The following AGBL1 variants were observed in gnomAD, a reference collection of about 807,000 sequenced individuals.
AGBL1 encodes cytosolic carboxypeptidase 4.
Under a neutral mutation model 118.9 loss-of-function variants are expected in AGBL1, and 130 were observed. That is an observed-to-expected ratio of 1.09 (90% CI 0.95 to 1.26). AGBL1 has a LOEUF of 1.26. Ranked by LOEUF, AGBL1 falls within the 50% of genes most tolerant of loss-of-function variation. The probability of loss-of-function intolerance (pLI) is 0.00; values close to 1 mark genes in which losing one functional copy is unlikely to be tolerated. For synonymous variants in AGBL1, 555 were observed against 478.9 expected (o/e 1.16, Z -2.08); for missense variants, 1,584 against 1,298.1 (o/e 1.22, Z -3.38).
At chr15:86,437,013 T>A (rs1397073373) in intron 18 of AGBL1, among the ~76,000 whole-genome samples, 1 of 152,134 alleles carries the variant, frequency 6.6e-6, no homozygotes, top group Non-Finnish European at 1.5e-5. Flanking sequence ...TTTTTTTTTT[T>A]TGCATCAAAT....
intron 18 of AGBL1, among the ~76,000 whole-genome samples, chr15:86,406,063 A>G (rs968914909): frequency 6.6e-6 from 1 of 152,184 alleles, no homozygotes; most frequent in East Asian, 1.9e-4. Flanking sequence ...TAAAGGAACC[A>G]TTTGGTTCTT....
In AGBL1 at chr15:86,433,272, T is replaced by C. The variant is rs1450143355; in HGVS notation, c.2555+35726T>C. On this transcript the variant is annotated intron_variant, in intron 18 of 22. Coordinates refer to ENST00000614907, the MANE Select transcript of AGBL1 (RefSeq NM_001386094.1). ...CCTCCTCCTCCTCCTTCTTCTTTTT[T>C]TTTTTTTTTTTTTTTTTTTTTGCCA... Among the ~76,000 whole-genome samples the C allele has an allele frequency of 2.9e-3, 274 of 94,024 alleles. 4 individuals carry two copies. The highest frequency in any genetic ancestry group is 0.011 in the African/African-American group (253 of 22,668). 61.7% of individuals were successfully genotyped at this position (94,024 alleles called of 152,430 possible). A position where few individuals can be genotyped will look rare whatever the true frequency, so the allele number is the denominator to read the frequency against.
intron 23 of AGBL1, among the ~76,000 whole-genome samples, chr15:86,927,947 T>TATAC (rs1246573936): frequency 1.3e-5 from 2 of 151,776 alleles, no homozygotes; most frequent in Non-Finnish European, 2.9e-5. Flanking sequence ...TATATATATA[T>TATAC]AAAATGTGTG....
intron 17 of AGBL1, among the ~76,000 whole-genome samples, chr15:86,344,379 C>T (rs1255289041): frequency 3.3e-5 from 5 of 152,158 alleles, no homozygotes; most frequent in Non-Finnish European, 7.3e-5. Flanking sequence ...GTCTTATCCC[C>T]TCAAGTCTGA....
At chr15:86,298,874 G>A (rs766604797) in intron 17 of AGBL1, among the ~76,000 whole-genome samples, 8 of 152,202 alleles carry the variant, frequency 5.3e-5, no homozygotes, top group Non-Finnish European at 1.0e-4. Flanking sequence ...TTCCCCTGAT[G>A]ATCTGGTCTA....
At chr15:86,266,695 G>A (rs557344742) in intron 12 of AGBL1, among the ~76,000 whole-genome samples, 1 of 152,326 alleles carries the variant, frequency 6.6e-6, no homozygotes, top group South Asian at 2.1e-4. Flanking sequence ...GAGTTCAGGA[G>A]ATGGAGACCA....
intron 22 of AGBL1, among the ~76,000 whole-genome samples, chr15:86,897,121 A>G (rs1393676533): frequency 6.6e-6 from 1 of 152,234 alleles, no homozygotes; most frequent in African/African-American, 2.4e-5. Flanking sequence ...AGTAGAGAAC[A>G]TTAAAATCAG....
chr15:87,018,402 T>TAACA (rs1449455701), intron 24 of AGBL1, among the ~76,000 whole-genome samples: 4 of 152,058 alleles, frequency 2.6e-5, no homozygotes, highest in Non-Finnish European at 5.9e-5. Context: ...CCCATCAGAC[T>TAACA]AACAATGGAC....
At chr15:86,093,712 C>T (rs1218559637) in intron 1 of AGBL1, among the ~76,000 whole-genome samples, 2 of 152,202 alleles carry the variant, frequency 1.3e-5, no homozygotes, top group African/African-American at 2.4e-5. Flanking sequence ...TCATAAGAGA[C>T]TATACAGAAG....
At chr15:86,324,838 G>T (rs1262376076) in intron 17 of AGBL1, among the ~76,000 whole-genome samples, 1 of 152,166 alleles carries the variant, frequency 6.6e-6, no homozygotes, top group Non-Finnish European at 1.5e-5. Flanking sequence ...GTGAAGTGGG[G>T]CCGAGTTTGG....
rs2077893112 is a variant in AGBL1 at position 86,753,805 on chromosome 15, C to G, written c.3158+79369C>G. 4.6e-5 allele frequency among the ~76,000 whole-genome samples: 7 copies of G among 152,186 alleles called. No individual in the cohort carries two copies. In the South Asian group the frequency reaches 1.5e-3, roughly 32 times the overall value. ...CTTGTCCAGGTTAAACTCTGAATGT[C>G]AGAACACTGAACATGTGAATCACAA... On this transcript the variant is annotated intron_variant, in intron 22 of 22. Transcript: ENST00000614907.
chr15:86,535,689 T>G (rs1026819426), intron 19 of AGBL1, among the ~76,000 whole-genome samples: 1 of 152,200 alleles, frequency 6.6e-6, no homozygotes, highest in Admixed American at 6.5e-5. Context: ...GGAATAGAAT[T>G]TTTAGCTACT....
intron 23 of AGBL1, among the ~76,000 whole-genome samples, chr15:86,945,237 C>G (rs1269223562): frequency 1.8e-5 from 2 of 111,976 alleles, no homozygotes; most frequent in East Asian, 5.2e-4. Context: ...GAGCAAGACC[C>G]CATCACTAAA....
chr15:86,367,258 A>G (rs2080902704), intron 17 of AGBL1, among the ~76,000 whole-genome samples: 1 of 152,210 alleles, frequency 6.6e-6, no homozygotes, highest in Non-Finnish European at 1.5e-5. Flanking sequence ...GTCTTTTGCC[A>G]TGCTCCCCTC....
At chr15:86,311,615 T>G (rs1237975994) in intron 17 of AGBL1, among the ~76,000 whole-genome samples, 1 of 152,164 alleles carries the variant, frequency 6.6e-6, no homozygotes, top group African/African-American at 2.4e-5. Flanking sequence ...TTTTTTTTCT[T>G]TTTTTTGACA....
At chr15:86,536,399 C>T (rs1011012348) in intron 19 of AGBL1, among the ~76,000 whole-genome samples, 2 of 152,118 alleles carry the variant, frequency 1.3e-5, no homozygotes, top group African/African-American at 2.4e-5. Context: ...CAATTTCTGC[C>T]TCCCGGGTTC....
intron 17 of AGBL1, among the ~76,000 whole-genome samples, chr15:86,390,739 G>A (rs1267832566): frequency 7.9e-6 from 1 of 125,878 alleles, no homozygotes; most frequent in Middle Eastern, 6.8e-3. Context: ...GTGTGATCTT[G>A]GCTCACTGCA....
chr15:86,834,126 C>T (rs1411619291), intron 22 of AGBL1, among the ~76,000 whole-genome samples: 1 of 152,106 alleles, frequency 6.6e-6, no homozygotes, highest in Admixed American at 6.5e-5. Context: ...GACAAGGAAG[C>T]CCTATGTCGG....
intron 22 of AGBL1, among the ~76,000 whole-genome samples, chr15:86,840,337 G>A (rs769222823): frequency 2.6e-5 from 4 of 152,156 alleles, no homozygotes; most frequent in African/African-American, 7.2e-5. Flanking sequence ...GAGAGATGGA[G>A]TATTCTTATT....
Sources: allele counts gnomAD v4.1 joint callset (sites outside exome capture counted in the v4.1 genomes callset), GRCh38; gene constraint gnomAD v4.1.1; transcripts MANE v1.5; gene names NCBI Gene and HGNC (gene_info 2026-07-23, HGNC 2026-07-21).